The following KAT6B variants were observed in gnomAD, a reference collection of about 807,000 sequenced individuals.
The protein encoded by KAT6B is histone acetyltransferase KAT6B.
In KAT6B, 10 loss-of-function variants were observed where a neutral mutation model predicts 187.5. The ratio of observed to expected loss-of-function variants is 0.05; its 90% CI spans 0.03 to 0.09. KAT6B has a LOEUF of 0.09. Among genes scored for constraint, KAT6B ranks in the 10% least tolerant of loss-of-function variants. The pLI is 1.00. For synonymous variants in KAT6B, 861 were observed against 926.8 expected (o/e 0.93, Z 1.29); for missense variants, 1,952 against 2,558.9 (o/e 0.76, Z 5.12).
intron 3 of KAT6B, among the ~76,000 whole-genome samples, chr10:74,876,667 A>G (rs1844434377): frequency 6.6e-6 from 1 of 152,108 alleles, no homozygotes; most frequent in Non-Finnish European, 1.5e-5. Context: ...TAATCCCAGC[A>G]CTTTGGGAGG....
At chr10:74,897,640 C>T (rs901798483) in intron 3 of KAT6B, among the ~76,000 whole-genome samples, 20 of 152,172 alleles carry the variant, frequency 1.3e-4, no homozygotes, top group Admixed American at 1.2e-3. Context: ...AAGATGGGGC[C>T]AGCATCTATT....
chr10:75,004,456 T>A lies in KAT6B; in HGVS notation c.2629+15344T>A, dbSNP rs1158101038. ...TCAGTCTTTGTTTTTTACACTTTATTTATCCCTTCATCCCATCCTTCAGCA... is the reference window on the plus strand; with the variant it reads ...TCAGTCTTTGTTTTTTACACTTTATATATCCCTTCATCCCATCCTTCAGCA... On this transcript the variant is annotated intron_variant, in intron 13 of 17. Transcript: ENST00000287239. 2.0e-5 allele frequency among the ~76,000 whole-genome samples: 3 copies of A among 152,196 alleles called. No homozygotes were observed. The East Asian group carries it at 5.8e-4, about 29-fold the overall frequency.
intron 3 of KAT6B, among the ~76,000 whole-genome samples, chr10:74,917,287 A>T (rs570875525): frequency 6.6e-6 from 1 of 152,188 alleles, no homozygotes; most frequent in Admixed American, 6.5e-5. Flanking sequence ...TAACCATAGC[A>T]CAGTTATAAA....
At position 75,020,713 on chromosome 10, in the gene KAT6B, C is replaced by T. The variant is rs1845333023; in HGVS notation, c.2761C>T (p.His921Tyr). 1 of 1,614,180 alleles carries T rather than the reference C, an allele frequency of 6.2e-7. No individual in the cohort carries two copies. Among genetic ancestry groups the T allele is most frequent in the South Asian group, 1.1e-5 (1 of 91,084 alleles). ...LEYLYHHHERHISIKAISRAT... is the reference protein window; with the variant it reads ...LEYLYHHHERYISIKAISRAT... ...GTATCTCTACCACCACCATGAGAGG[C>T]ACATCAGCATCAAGGCAATTAGCAG... The change falls in exon 14 of 18, where the codon CAC becomes TAC. Residue 921 changes from histidine (H) to tyrosine (Y), a missense_variant. Physicochemically the swap from His to Tyr is moderately conservative, Grantham distance 83. This residue lies in a region of KAT6B where 758 missense variants were observed against 891.4 expected (regional missense o/e 0.85). Transcript: ENST00000287239.
chr10:74,863,137 AAATTT>A (rs1843305761), intron 3 of KAT6B, among the ~76,000 whole-genome samples: 1 of 152,250 alleles, frequency 6.6e-6, no homozygotes, highest in African/African-American at 2.4e-5. Flanking sequence ...TTATCACTGC[AAATTT>A]GACTATAAAG....
chr10:74,825,550 G>C (rs1169900125), upstream of KAT6B: 1 of 158,680 alleles, frequency 6.3e-6, no homozygotes, highest in Non-Finnish European at 1.4e-5. The surrounding 1 kb of genome is among the most constrained non-coding windows in gnomAD (Gnocchi z 5.0). Flanking sequence ...GTCCCGGGCG[G>C]GGGGAGCGCG....
At chr10:74,954,185 T>C (rs1840512702) in intron 3 of KAT6B, among the ~76,000 whole-genome samples, 1 of 152,176 alleles carries the variant, frequency 6.6e-6, no homozygotes, top group Non-Finnish European at 1.5e-5. Flanking sequence ...CATGGCCTCT[T>C]GATTATAGGG....
rs749766910 is a variant in KAT6B at position 74,969,742 on chromosome 10, A to C, written c.813A>C (p.Thr271=). 1 of 1,613,812 alleles carries C rather than the reference A, an allele frequency of 6.2e-7. No homozygotes were observed. Among genetic ancestry groups the C allele is most frequent in the Non-Finnish European group, 8.5e-7 (1 of 1,179,768 alleles). The change falls in exon 5 of 18, where the codon ACA becomes ACC. Residue 271 remains threonine, a synonymous_variant. Coordinates refer to ENST00000287239, the MANE Select transcript of KAT6B (RefSeq NM_012330.4). ...ALRWQCIECK[T]CSACRVQGRN... is the part of the protein sequence containing the mutation. ...GGTGGCAGTGCATCGAATGCAAGAC[A>C]TGCAGTGCCTGTAGAGTCCAAGGCA...
rs552888589 is a variant in KAT6B, at chr10:74,865,452, CCCAAA to C, written c.621+21980_621+21984del. On this transcript the variant is annotated intron_variant, in intron 3 of 17. Transcript: ENST00000287239. Reference sequence around the variant, plus strand: ...CCTTCAAGCCAAAAGCTCAGAGTTTCCCAAACCAAAGTGTGCCTCAATCACAATTT... The same window carrying C: ...CCTTCAAGCCAAAAGCTCAGAGTTTCCCAAAGTGTGCCTCAATCACAATTT... Among the ~76,000 whole-genome samples, 103 of 152,022 alleles carry C rather than the reference CCCAAA, an allele frequency of 6.8e-4. No homozygotes were observed. In the Middle Eastern group the frequency reaches 0.014, roughly 20 times the overall value.
At chr10:74,939,562 G>A (rs562784405) in intron 3 of KAT6B, among the ~76,000 whole-genome samples, 4 of 152,044 alleles carry the variant, frequency 2.6e-5, no homozygotes, top group Non-Finnish European at 4.4e-5. Flanking sequence ...CACCACGACC[G>A]GCTAATTTTT....
intron 3 of KAT6B, among the ~76,000 whole-genome samples, chr10:74,956,993 A>G (rs1440808321): frequency 6.6e-6 from 1 of 152,242 alleles, no homozygotes; most frequent in Non-Finnish European, 1.5e-5. Context: ...TATCATTTTC[A>G]GACATCTTAA....
chr10:74,910,161 G>A (rs1847091751), intron 3 of KAT6B, among the ~76,000 whole-genome samples: 1 of 151,872 alleles, frequency 6.6e-6, no homozygotes, highest in East Asian at 1.9e-4. Context: ...AGCCAGGCGT[G>A]GTGGCGCATG....
intron 3 of KAT6B, among the ~76,000 whole-genome samples, chr10:74,920,649 C>G (rs778818484): frequency 2.0e-5 from 3 of 152,098 alleles, no homozygotes; most frequent in Non-Finnish European, 2.9e-5. Flanking sequence ...TCTGCTATTT[C>G]TTTACCCTTC....
At chr10:74,849,766 G>A (rs1842348865) in intron 3 of KAT6B, among the ~76,000 whole-genome samples, 1 of 152,176 alleles carries the variant, frequency 6.6e-6, no homozygotes, top group South Asian at 2.1e-4. Context: ...CACAATAACT[G>A]CAAGGGAGGT....
chr10:74,903,024 A>T (rs1846509249), intron 3 of KAT6B, among the ~76,000 whole-genome samples: 1 of 152,236 alleles, frequency 6.6e-6, no homozygotes, highest in Non-Finnish European at 1.5e-5. Context: ...AAAAAGTAAC[A>T]ATGTATAGCA....
intron 3 of KAT6B, among the ~76,000 whole-genome samples, chr10:74,849,774 G>C (rs550853894): frequency 1.4e-4 from 21 of 152,286 alleles, no homozygotes; most frequent in African/African-American, 4.6e-4. Context: ...CTGCAAGGGA[G>C]GTAGATTATT....
At chr10:75,015,340 GAT>G (rs759206937) in intron 13 of KAT6B, among the ~76,000 whole-genome samples, 1 of 152,194 alleles carries the variant, frequency 6.6e-6, no homozygotes, top group Non-Finnish European at 1.5e-5. Flanking sequence ...AAAGCAGTAA[GAT>G]ATCAGGCAGG....
intron 13 of KAT6B, among the ~76,000 whole-genome samples, chr10:74,999,932 T>C (rs771693827): frequency 6.6e-6 from 1 of 152,238 alleles, no homozygotes; most frequent in Non-Finnish European, 1.5e-5. Flanking sequence ...CCCAGCACTT[T>C]GGGAGTCTGA....
intron 3 of KAT6B, among the ~76,000 whole-genome samples, chr10:74,898,060 CAAT>C: frequency 6.6e-6 from 1 of 151,954 alleles, no homozygotes; most frequent in African/African-American, 2.4e-5. Flanking sequence ...TCTTTGTCAA[CAAT>C]AAATCTATAT....
Sources: allele counts gnomAD v4.1 joint callset (sites outside exome capture counted in the v4.1 genomes callset), GRCh38; gene constraint gnomAD v4.1.1; regional missense constraint gnomAD v4.1.1; non-coding constraint Gnocchi (gnomAD v3.1); transcripts MANE v1.5; gene names NCBI Gene and HGNC (gene_info 2026-07-23, HGNC 2026-07-21).